The following SH3TC1 variants were observed in gnomAD, a reference collection of about 807,000 sequenced individuals.
SH3TC1 encodes SH3 domain and tetratricopeptide repeat-containing protein 1.
In SH3TC1, 135 loss-of-function variants were observed where a neutral mutation model predicts 117.3. The ratio of observed to expected loss-of-function variants is 1.15; its 90% CI spans 1.00 to 1.33. The LOEUF (loss-of-function observed/expected upper bound fraction) is 1.33, where lower values mean the gene tolerates loss of function less well. Ranked by LOEUF, SH3TC1 falls within the 40% of genes most tolerant of loss-of-function variation. The pLI, the probability that SH3TC1 is intolerant of heterozygous loss-of-function variation, is 0.00. For synonymous variants in SH3TC1, 898 were observed against 816.9 expected (o/e 1.10, Z -1.69); for missense variants, 2,092 against 1,794.3 (o/e 1.17, Z -3.00).
In SH3TC1 at chr4:8,219,485, G is replaced by C. The variant is rs1719689216; in HGVS notation, c.1067G>C (p.Gly356Ala). 3 of 1,602,818 alleles carry C rather than the reference G, an allele frequency of 1.9e-6. No homozygotes were observed. Among genetic ancestry groups the C allele is most frequent in the African/African-American group, 2.7e-5 (2 of 74,678 alleles). The change falls in exon 9 of 18, where the codon GGG (glycine) becomes GCG (alanine). Residue 356 changes from glycine (G) to alanine (A), a missense_variant. Transcript: ENST00000245105. ...VGRHAASGRV[G>A]FVRSSLISMQ... is the part of the protein sequence containing the mutation. ...CGACACGCAGCCTCGGGCCGGGTGGGGTTTGTGCGGAGCAGCCTCATCAGC... is the reference window on the plus strand; with the variant it reads ...CGACACGCAGCCTCGGGCCGGGTGGCGTTTGTGCGGAGCAGCCTCATCAGC...
intron 13 of SH3TC1, chr4:8,232,853 T>G: frequency 8.0e-7 from 1 of 1,254,750 alleles, no homozygotes; most frequent in Non-Finnish European, 1.0e-6. Flanking sequence ...AGAGCCATGT[T>G]CTCAAAGTGT....
intron 1 of SH3TC1, among the ~76,000 whole-genome samples, chr4:8,200,746 C>T (rs1717778908): frequency 6.6e-6 from 1 of 152,234 alleles, no homozygotes; most frequent in Non-Finnish European, 1.5e-5. Flanking sequence ...TCAAGGCGTC[C>T]CTCAGAAGGC....
In SH3TC1 at chr4:8,214,504, CA is replaced by C. The variant is rs1719045092; in HGVS notation, c.406del (p.Ser136ValfsTer8). 6.2e-7 allele frequency: 1 copy of C among 1,613,888 alleles called. No individual in the cohort carries two copies. The highest frequency in any genetic ancestry group is 1.3e-5 in the African/African-American group (1 of 74,928). ...ELSARLLSIH[S>X]DQDRIVVTFK... is the part of the protein sequence containing the mutation. ...TATCAGCCAGGCTGCTGTCCATCCACAGTGACCAGGACCGGATCGTGGTGAC... is the reference window on the plus strand; with the variant it reads ...TATCAGCCAGGCTGCTGTCCATCCACGTGACCAGGACCGGATCGTGGTGAC... On this transcript the variant is annotated frameshift_variant, in exon 5 of 18. Transcript: ENST00000245105. LOFTEE classifies it high-confidence loss of function.
At chr4:8,207,464 T>C (rs963640888) in intron 2 of SH3TC1, among the ~76,000 whole-genome samples, 2 of 152,214 alleles carry the variant, frequency 1.3e-5, no homozygotes, top group Admixed American at 6.5e-5. Context: ...ATCAAATTCA[T>C]GAAGCGCTAC....
At chr4:8,207,681 C>G (rs139463244) in intron 2 of SH3TC1, among the ~76,000 whole-genome samples, 3 of 152,346 alleles carry the variant, frequency 2.0e-5, no homozygotes, top group African/African-American at 7.2e-5. Flanking sequence ...ACATCATTAC[C>G]TATTTTGTCA....
intron 9 of SH3TC1, among the ~76,000 whole-genome samples, chr4:8,222,150 G>A (rs1719976910): frequency 6.6e-6 from 1 of 152,016 alleles, no homozygotes; most frequent in African/African-American, 2.4e-5. Context: ...AGAATCAGTG[G>A]GAGTTTACAA....
At chr4:8,214,358 T>C in intron 4 of SH3TC1, 117 bp from the exon 5 acceptor site, 1 of 856,226 alleles carries the variant, frequency 1.2e-6, no homozygotes, top group Non-Finnish European at 1.8e-6. Flanking sequence ...GCCCTGGGTG[T>C]GTCGTCCCCC....
chr4:8,215,639 C>T (rs1334082778), intron 5 of SH3TC1, among the ~76,000 whole-genome samples: 2 of 152,188 alleles, frequency 1.3e-5, no homozygotes, highest in African/African-American at 2.4e-5. Flanking sequence ...CTGCGGTGAA[C>T]GAAGGCTCAC....
chr4:8,216,280 G>A (rs1467272126), intron 6 of SH3TC1, 23 bp downstream of exon 6: 26 of 1,608,608 alleles, frequency 1.6e-5, no homozygotes, highest in Non-Finnish European at 2.2e-5. Context: ...TGGGGTGATG[G>A]CCGAGATCCA....
intron 1 of SH3TC1, among the ~76,000 whole-genome samples, chr4:8,191,231 C>T (rs1263611422): frequency 2.0e-5 from 3 of 152,360 alleles, no homozygotes; most frequent in African/African-American, 2.4e-5. Flanking sequence ...TGTGGACCTG[C>T]TGGGCCGCAG....
chr4:8,239,857 GCA>G (rs1007072453), intron 17 of SH3TC1, among the ~76,000 whole-genome samples: 16 of 152,358 alleles, frequency 1.1e-4, no homozygotes, highest in African/African-American at 3.6e-4. Context: ...CATGCACCCG[GCA>G]CAGAGTCCAG....
intron 1 of SH3TC1, among the ~76,000 whole-genome samples, chr4:8,182,525 G>C (rs915170280): frequency 6.6e-6 from 1 of 152,180 alleles, no homozygotes; most frequent in Non-Finnish European, 1.5e-5. Context: ...CCAGGATCCC[G>C]ACGACTGGGC....
chr4:8,208,103 C>T (rs1718352116), intron 2 of SH3TC1, among the ~76,000 whole-genome samples: 1 of 152,208 alleles, frequency 6.6e-6, no homozygotes, highest in Non-Finnish European at 1.5e-5. Context: ...ACCTGGCAAC[C>T]CTCATCCAAC....
chr4:8,237,687 T>C lies in SH3TC1; in HGVS notation c.3753+17T>C. ...GACCTGAAGGTGGGTGGGGAGGGGC[T>C]GGGCTCAGGGTGTTCCCGGCCCCCT... On this transcript the variant is annotated intron_variant, in intron 17 of 17. Coordinates refer to ENST00000245105, the MANE Select transcript of SH3TC1 (RefSeq NM_018986.5). 16 of 1,549,416 alleles carry C rather than the reference T, an allele frequency of 1.0e-5. No homozygotes were observed. Among genetic ancestry groups the C allele is most frequent in the Non-Finnish European group, 1.4e-5 (16 of 1,134,860 alleles).
chr4:8,234,272 C>T (rs1457740624), intron 14 of SH3TC1, among the ~76,000 whole-genome samples: 1 of 151,952 alleles, frequency 6.6e-6, no homozygotes, highest in Admixed American at 6.6e-5. Flanking sequence ...TCCACCCATC[C>T]ATTTATCCAT....
At chr4:8,218,413 T>C in intron 8 of SH3TC1, 66 bp downstream of exon 8, 5 of 1,246,438 alleles carry the variant, frequency 4.0e-6, no homozygotes, top group Non-Finnish European at 5.8e-6. Context: ...CACCAACATT[T>C]TGGAAGTTGC....
Position 8,236,479 on chromosome 4 carries a change from C to T in SH3TC1, c.3556+51C>T, listed in dbSNP as rs973257480. ...CCAGGACCCACACTTTGCCAGAGCT[C>T]AGCCTCCAGGTCTGCAGGGCAGGAG... is the stretch of plus-strand genomic sequence containing the variant. On this transcript the variant is annotated intron_variant, in intron 16 of 17. Transcript: ENST00000245105. 1.3e-5 allele frequency: 18 copies of T among 1,423,194 alleles called. No individual in the cohort carries two copies. In the African/African-American group the frequency reaches 2.4e-4, roughly 19 times the overall value. The allele number at this position is 1,423,194 out of a possible 1,614,324, so 88.2% of individuals were successfully genotyped here.
rs533064506 is a variant in SH3TC1 at position 8,225,408 on chromosome 4, G to A, written c.1285+192G>A. ...CCCGTCCACTGTGGCACTGGAGGCCGTGGGGTCCCGCACTTCTTCCAATGA... is the reference window on the plus strand; with the variant it reads ...CCCGTCCACTGTGGCACTGGAGGCCATGGGGTCCCGCACTTCTTCCAATGA... On this transcript the variant is annotated intron_variant, in intron 11 of 17. Coordinates refer to ENST00000245105, the MANE Select transcript of SH3TC1 (RefSeq NM_018986.5). The surrounding 1 kb of genome is among the most constrained non-coding windows in gnomAD (Gnocchi z 5.5). Among the ~76,000 whole-genome samples the A allele has an allele frequency of 3.3e-5, 5 of 152,270 alleles. No individual in the cohort carries two copies. Among genetic ancestry groups the A allele is most frequent in the South Asian group, 2.1e-4 (1 of 4,826 alleles).
rs1721285686 is a variant in SH3TC1 at position 8,232,154 on chromosome 4, G to A, written c.3129G>A (p.Glu1043=). 7.1e-7 allele frequency: 1 copy of A among 1,403,308 alleles called. No homozygotes were observed. The highest frequency in any genetic ancestry group is 9.5e-7 in the Non-Finnish European group (1 of 1,052,242). The allele number at this position is 1,403,308 out of a possible 1,614,324, so 86.9% of individuals were successfully genotyped here. A position where few individuals can be genotyped will look rare whatever the true frequency, so the allele number is the denominator to read the frequency against. Residue 1043 remains glutamate (E), a splice_region_variant and synonymous_variant, in exon 13 of 18, where the codon GAG becomes GAA. Coordinates refer to ENST00000245105, the MANE Select transcript of SH3TC1 (RefSeq NM_018986.5). ...AGCTCTACCTGTCCCTGGGCACCGA[G>A]CGGTGAGGGCTGGCTCTGTGGTGGT... ...ISQLYLSLGT[E]RAYKSALDYT...
Sources: gnomAD v4.1 joint callset for allele counts (sites outside exome capture counted in the v4.1 genomes callset) on GRCh38, gnomAD v4.1.1 for gene constraint, Gnocchi (gnomAD v3.1) non-coding constraint, MANE v1.5 for transcripts, NCBI Gene and HGNC (gene_info 2026-07-23, HGNC 2026-07-21) for gene names.